LRMDA: variants seen among roughly 807,000 people sequenced by gnomAD.
LRMDA encodes leucine-rich melanocyte differentiation-associated protein.
In LRMDA, 18 loss-of-function variants were observed where a neutral mutation model predicts 29.8. The ratio of observed to expected loss-of-function variants is 0.60; its 90% CI spans 0.42 to 0.90. The LOEUF (loss-of-function observed/expected upper bound fraction) is 0.90, where lower values mean the gene tolerates loss of function less well. Ranked by LOEUF, LRMDA falls within the 40% of genes least tolerant of loss-of-function variation. The pLI, the probability that LRMDA is intolerant of heterozygous loss-of-function variation, is 0.00. For missense variants in LRMDA, 273 were observed against 273.9 expected (o/e 1.00, Z 0.02); for synonymous variants, 125 against 109.4 (o/e 1.14, Z -0.89).
At chr10:75,730,791 CCTT>C (rs1309111265) in intron 2 of LRMDA, among the ~76,000 whole-genome samples, 6 of 151,504 alleles carry the variant, frequency 4.0e-5, no homozygotes, top group African/African-American at 1.2e-4. Context: ...AAGCCTTGAA[CCTT>C]CTTTTTTTTG....
chr10:76,094,674 G>A (rs4745811), intron 5 of LRMDA, among the ~76,000 whole-genome samples: 1 of 151,888 alleles, frequency 6.6e-6, no homozygotes, highest in African/African-American at 2.4e-5. Flanking sequence ...TACGAGTAAG[G>A]CTTCAGAAAC....
At chr10:75,537,684 G>A (rs763869452) in intron 2 of LRMDA, among the ~76,000 whole-genome samples, 1 of 152,196 alleles carries the variant, frequency 6.6e-6, no homozygotes, top group Admixed American at 6.5e-5. Context: ...CTTGGGGGCC[G>A]GGGAGAGCAT....
At chr10:76,120,266 G>A (rs1013156996) in intron 5 of LRMDA, among the ~76,000 whole-genome samples, 7 of 148,212 alleles carry the variant, frequency 4.7e-5, no homozygotes, top group African/African-American at 1.5e-4. Context: ...TTGGCTTACT[G>A]TAACCTCTGC....
At chr10:75,679,671 T>C (rs1201432916) in intron 2 of LRMDA, among the ~76,000 whole-genome samples, 2 of 152,220 alleles carry the variant, frequency 1.3e-5, no homozygotes, top group East Asian at 1.9e-4. Context: ...CATACTAACA[T>C]TCTGATGGCA....
intron 5 of LRMDA, among the ~76,000 whole-genome samples, chr10:76,087,387 C>T (rs1849154725): frequency 6.6e-6 from 1 of 152,152 alleles, no homozygotes; most frequent in Non-Finnish European, 1.5e-5. Context: ...TTCCTAGAAG[C>T]CCTGACATTA....
chr10:76,462,263 T>G (rs575592927), intron 6 of LRMDA, among the ~76,000 whole-genome samples: 6 of 152,064 alleles, frequency 3.9e-5, no homozygotes, highest in Non-Finnish European at 7.4e-5. Flanking sequence ...AGGAGAAAGA[T>G]AGAAGAGTCT....
intron 5 of LRMDA, among the ~76,000 whole-genome samples, chr10:76,293,586 A>G (rs1383873811): frequency 1.3e-5 from 2 of 152,238 alleles, no homozygotes; most frequent in Non-Finnish European, 1.5e-5. Flanking sequence ...AAGAGTTCCC[A>G]TAAACATGTG....
At chr10:75,893,722 T>C (rs913730519) in intron 2 of LRMDA, among the ~76,000 whole-genome samples, 1 of 151,986 alleles carries the variant, frequency 6.6e-6, no homozygotes, top group Non-Finnish European at 1.5e-5. Flanking sequence ...GACCTTGAGG[T>C]CAGGTGTTCA....
chr10:76,427,163 G>A (rs928921415), intron 6 of LRMDA, among the ~76,000 whole-genome samples: 1 of 151,814 alleles, frequency 6.6e-6, no homozygotes, highest in African/African-American at 2.4e-5. Context: ...AGCTTGATGG[G>A]GATGGCATTG....
At chr10:75,459,001 T>A (rs1844553591) in intron 2 of LRMDA, among the ~76,000 whole-genome samples, 1 of 752 alleles carries the variant, frequency 1.3e-3, no homozygotes, top group Non-Finnish European at 6.0e-3. Flanking sequence ...CTGCTTTAGA[T>A]TTTTTTTTTT....
At chr10:75,914,593 T>C (rs1845899170) in intron 2 of LRMDA, among the ~76,000 whole-genome samples, 1 of 152,208 alleles carries the variant, frequency 6.6e-6, no homozygotes, top group African/African-American at 2.4e-5. Context: ...TGATAGAAGA[T>C]CTATTGGTTC....
chr10:75,796,675 C>T (rs559062557), intron 2 of LRMDA, among the ~76,000 whole-genome samples: 2 of 152,256 alleles, frequency 1.3e-5, no homozygotes, highest in African/African-American at 2.4e-5. Flanking sequence ...CGGGTTCAAG[C>T]GATTCTCCTG....
intron 2 of LRMDA, among the ~76,000 whole-genome samples, chr10:76,001,100 A>C (rs568228129): frequency 6.6e-6 from 1 of 152,150 alleles, no homozygotes; most frequent in South Asian, 2.1e-4. Context: ...CTGGCACACC[A>C]CCCTGCCTTC....
intron 2 of LRMDA, among the ~76,000 whole-genome samples, chr10:75,830,860 T>C (rs1844329133): frequency 6.6e-6 from 1 of 152,096 alleles, no homozygotes; most frequent in South Asian, 2.1e-4. Context: ...CAATCCAAAG[T>C]CTCATCTGAG....
At chr10:76,037,968 C>T (rs1434874824) in intron 3 of LRMDA, among the ~76,000 whole-genome samples, 1 of 152,054 alleles carries the variant, frequency 6.6e-6, no homozygotes, top group African/African-American at 2.4e-5. Flanking sequence ...GGAATTTTCC[C>T]TTCTTATGTC....
At chr10:76,345,704 A>C (rs921772375) in intron 6 of LRMDA, among the ~76,000 whole-genome samples, 26 of 152,158 alleles carry the variant, frequency 1.7e-4, no homozygotes, top group African/African-American at 6.0e-4. Context: ...ATTTACTTTA[A>C]AGCTTTGGAC....
chr10:76,093,282 C>G (rs1161836031), intron 5 of LRMDA, among the ~76,000 whole-genome samples: 1 of 151,812 alleles, frequency 6.6e-6, no homozygotes, highest in East Asian at 1.9e-4. Context: ...AAGTGATTCT[C>G]CCAAAGTGTT....
intron 5 of LRMDA, among the ~76,000 whole-genome samples, chr10:76,170,434 A>C (rs999798262): frequency 6.6e-6 from 1 of 152,186 alleles, no homozygotes; most frequent in African/African-American, 2.4e-5. Context: ...TTTACAGTAA[A>C]TATTGGCTAA....
Position 76,083,850 on chromosome 10 carries a change from A to AG in LRMDA, c.516+25071dup, listed in dbSNP as rs1554845715. 3.5e-3 allele frequency among the ~76,000 whole-genome samples: 522 copies of AG among 149,534 alleles called. 2 individuals are homozygous for AG. Among genetic ancestry groups the AG allele is most frequent in the African/African-American group, 0.01 (413 of 40,948 alleles). Reference sequence around the variant, plus strand: ...CTGCATCTCAAAAAAAAAAAAAAAAAGGGGCTCTAGTGCATCTTGTGGGGA... The same window carrying AG: ...CTGCATCTCAAAAAAAAAAAAAAAAAGGGGGCTCTAGTGCATCTTGTGGGGA... On this transcript the variant is annotated intron_variant, in intron 5 of 6. Coordinates refer to ENST00000611255, the MANE Select transcript of LRMDA (RefSeq NM_001305581.2).
Sources: gnomAD v4.1 joint callset for allele counts (sites outside exome capture counted in the v4.1 genomes callset) on GRCh38, gnomAD v4.1.1 for gene constraint, MANE v1.5 for transcripts, NCBI Gene and HGNC (gene_info 2026-07-23, HGNC 2026-07-21) for gene names.